The following COL15A1 variants were observed in gnomAD, a reference collection of about 807,000 sequenced individuals.
The protein encoded by COL15A1 is collagen alpha-1(XV) chain.
A neutral mutation model predicts 165.9 loss-of-function variants in COL15A1; 111 were observed. The ratio of observed to expected loss-of-function variants is 0.67; its 90% CI spans 0.57 to 0.78. The LOEUF is 0.78. Among genes scored for constraint, COL15A1 ranks in the 30% least tolerant of loss-of-function variants. COL15A1 has a pLI of 0.00. For missense variants in COL15A1, 1,745 were observed against 1,789.7 expected (o/e 0.98, Z 0.45); for synonymous variants, 659 against 674.8 (o/e 0.98, Z 0.36).
chr9:98,964,470 A>T (rs1052878415), intron 2 of COL15A1, among the ~76,000 whole-genome samples: 2 of 152,240 alleles, frequency 1.3e-5, no homozygotes, highest in Non-Finnish European at 2.9e-5. Flanking sequence ...TCCCACAGAG[A>T]GTGTGTCTCT....
At chr9:99,040,885 C>G (rs2119068923) in intron 23 of COL15A1, 2 of 279,672 alleles carry the variant, frequency 7.2e-6, no homozygotes, top group South Asian at 1.3e-4. Flanking sequence ...ATAGTGCTAA[C>G]TAGACGTTAA....
chr9:98,970,822 G>A (rs1436494198), intron 2 of COL15A1, among the ~76,000 whole-genome samples: 1 of 151,890 alleles, frequency 6.6e-6, no homozygotes, highest in African/African-American at 2.4e-5. Flanking sequence ...TAGGGTGAGT[G>A]CGGGTGGAGG....
intron 28 of COL15A1, among the ~76,000 whole-genome samples, chr9:99,049,365 G>A (rs1839546405): frequency 1.3e-5 from 2 of 152,230 alleles, no homozygotes; most frequent in Non-Finnish European, 1.5e-5. Context: ...TATCAACTGG[G>A]TGTCAGAATC....
At chr9:98,954,036 G>A (rs1369548155) in intron 2 of COL15A1, among the ~76,000 whole-genome samples, 1 of 152,320 alleles carries the variant, frequency 6.6e-6, no homozygotes, top group East Asian at 1.9e-4. Flanking sequence ...CCATCCTGGA[G>A]GGACTCATAG....
intron 15 of COL15A1, 138 bp from the exon 16 acceptor site, chr9:99,025,766 T>A (rs1839112533): frequency 1.2e-6 from 1 of 823,112 alleles, no homozygotes; most frequent in Non-Finnish European, 2.0e-6. Context: ...AGGACTAGGT[T>A]CCTGCCTTGC....
At chr9:98,971,518 C>T (rs943233334) in intron 2 of COL15A1, among the ~76,000 whole-genome samples, 4 of 151,964 alleles carry the variant, frequency 2.6e-5, no homozygotes, top group Non-Finnish European at 4.4e-5. Context: ...TGGGTGCTCA[C>T]GCCTGCCCGC....
Position 99,069,951 on chromosome 9 carries a change from C to A in COL15A1, c.*65C>A. 3 of 1,272,296 alleles carry A rather than the reference C, an allele frequency of 2.4e-6. No homozygotes were observed. The highest frequency in any genetic ancestry group is 3.3e-6 in the Non-Finnish European group (3 of 910,872). The allele number at this position is 1,272,296 out of a possible 1,614,324, so 78.8% of individuals were successfully genotyped here. ...TTATGTGAAGAGTTGACACTGAAAT[C>A]TAAAATGTTTAATTGTTGTAAATAT... On this transcript the variant is annotated 3_prime_UTR_variant, in exon 42 of 42. Transcript: ENST00000375001.
chr9:98,965,731 C>T lies in COL15A1; in HGVS notation c.101-19834C>T, dbSNP rs1046510254. On this transcript the variant is annotated intron_variant, in intron 2 of 41. Coordinates refer to ENST00000375001, the MANE Select transcript of COL15A1 (RefSeq NM_001855.5). ...ACTGGCCCTTCCTTCAGGTCCCCTTCCCAGTGTCCCCCAGTGGGCGGGGAG... is the reference window on the plus strand; with the variant it reads ...ACTGGCCCTTCCTTCAGGTCCCCTTTCCAGTGTCCCCCAGTGGGCGGGGAG... Among the ~76,000 whole-genome samples the T allele has an allele frequency of 2.0e-5, 3 of 152,244 alleles. No individual in the cohort carries two copies. The South Asian group carries it at 6.2e-4, about 31-fold the overall frequency.
intron 3 of COL15A1, among the ~76,000 whole-genome samples, chr9:98,986,947 C>A (rs892589881): frequency 6.6e-6 from 1 of 152,104 alleles, no homozygotes; most frequent in Non-Finnish European, 1.5e-5. Context: ...CATTGAGCTG[C>A]AGGGGAAAGA....
Position 99,034,406 on chromosome 9 carries a change from G to T in COL15A1, c.2044-143G>T, listed in dbSNP as rs952692022. ...GACTGGCACCTATTGTAATGTGTTT[G>T]GTTTGGAGACACCAATCTGAGACAG... On this transcript the variant is annotated intron_variant, in intron 16 of 41. Transcript: ENST00000375001. 11 of 1,354,772 alleles carry T rather than the reference G, an allele frequency of 8.1e-6. No individual in the cohort carries two copies. The African/African-American group carries it at 1.3e-4, about 16-fold the overall frequency. The allele number at this position is 1,354,772 out of a possible 1,614,324, so 83.9% of individuals were successfully genotyped here. A position where few individuals can be genotyped will look rare whatever the true frequency, so the allele number is the denominator to read the frequency against.
chr9:98,989,135 T>A, intron 4 of COL15A1, 43 bp from the exon 5 acceptor site: 2 of 1,475,048 alleles, frequency 1.4e-6, no homozygotes, highest in Non-Finnish European at 1.9e-6. Context: ...TTATGGGCCC[T>A]GCCCGCTCTG....
intron 2 of COL15A1, among the ~76,000 whole-genome samples, chr9:98,946,647 T>A (rs1678087973): frequency 6.6e-6 from 1 of 152,220 alleles, no homozygotes; most frequent in Admixed American, 6.5e-5. Context: ...GTGCTGTTCC[T>A]TCCATAGGAC....
chr9:99,054,984 G>T, intron 32 of COL15A1, 118 bp from the exon 33 acceptor site: 1 of 903,982 alleles, frequency 1.1e-6, no homozygotes. Context: ...GACTCTGTTA[G>T]CCAACCCAGT....
intron 15 of COL15A1, among the ~76,000 whole-genome samples, chr9:99,025,553 C>T (rs1455723086): frequency 1.3e-5 from 2 of 152,216 alleles, no homozygotes; most frequent in Non-Finnish European, 2.9e-5. Context: ...CATTGTAAGT[C>T]AAGAAGCGTC....
intron 2 of COL15A1, among the ~76,000 whole-genome samples, chr9:98,977,347 G>A (rs1303193597): frequency 2.0e-5 from 3 of 152,144 alleles, no homozygotes; most frequent in Admixed American, 1.3e-4. Context: ...AGCCATCCAA[G>A]GTCAAGCCCA....
chr9:99,063,254 A>G, intron 39 of COL15A1, 145 bp downstream of exon 39: 2 of 1,060,924 alleles, frequency 1.9e-6, no homozygotes, highest in South Asian at 4.2e-5. Context: ...ATTACAATAC[A>G]GTGTGGTAAG....
intron 16 of COL15A1, among the ~76,000 whole-genome samples, chr9:99,026,418 G>T (rs1839125609): frequency 6.6e-6 from 1 of 152,134 alleles, no homozygotes; most frequent in African/African-American, 2.4e-5. Flanking sequence ...CCAGCCTCCT[G>T]CCCAGTTCAC....
At chr9:98,950,585 T>TACC (rs1288302461) in intron 2 of COL15A1, among the ~76,000 whole-genome samples, 1 of 125,122 alleles carries the variant, frequency 8.0e-6, no homozygotes, top group Non-Finnish European at 1.7e-5. Flanking sequence ...CCTTCCTTCC[T>TACC]TCCTTCCTCC....
chr9:99,038,717 A>G lies in COL15A1; in HGVS notation c.2459A>G (p.Glu820Gly), dbSNP rs765413542. The change falls in exon 22 of 42, where the codon GAG becomes GGG. Residue 820 changes from glutamate (E) to glycine (G), a missense_variant. Physicochemically the swap from Glu to Gly is moderately conservative, Grantham distance 98. Coordinates refer to ENST00000375001, the MANE Select transcript of COL15A1 (RefSeq NM_001855.5). ...HGFMNFSDIP[E>G]LVGPPGPDGL... ...TTCATGAATTTCTCGGACATTCCTG[A>G]GCTGGTGGGGCCTCCGGTTGGTATC... The G allele has an allele frequency of 1.2e-6, 2 of 1,609,106 alleles. No individual in the cohort carries two copies. The highest frequency in any genetic ancestry group is 2.2e-5 in the East Asian group (1 of 44,858).
Sources: gnomAD v4.1 joint callset for allele counts (sites outside exome capture counted in the v4.1 genomes callset) on GRCh38, gnomAD v4.1.1 for gene constraint, MANE v1.5 for transcripts, NCBI Gene and HGNC (gene_info 2026-07-23, HGNC 2026-07-21) for gene names.